The following THSD4 variants were observed in gnomAD, a reference collection of about 807,000 sequenced individuals.
The protein encoded by THSD4 is thrombospondin type 1 domain containing 4, also known as thrombospondin type-1 domain-containing protein 4.
Under a neutral mutation model 119.0 loss-of-function variants are expected in THSD4, and 69 were observed. The ratio of observed to expected loss-of-function variants is 0.58; its 90% confidence interval spans 0.48 to 0.71. The LOEUF is 0.71. THSD4 is among the 30% of genes least tolerant of loss of function. The pLI is 0.00. For missense variants in THSD4, 1,393 were observed against 1,391.1 expected (o/e 1.00, Z -0.02); for synonymous variants, 524 against 540.4 (o/e 0.97, Z 0.42).
chr15:71,569,434 C>T (rs1378704230), intron 7 of THSD4, among the ~76,000 whole-genome samples: 2 of 152,148 alleles, frequency 1.3e-5, no homozygotes, highest in East Asian at 3.9e-4. Context: ...AAACATCTTT[C>T]AAAAGTTATT....
intron 7 of THSD4, among the ~76,000 whole-genome samples, chr15:71,624,623 C>T (rs987302288): frequency 2.7e-5 from 4 of 145,712 alleles, no homozygotes; most frequent in Admixed American, 2.7e-4. Context: ...ATCCTGTTTT[C>T]ACACCTGCCC....
chr15:71,372,216 G>A (rs1292968069), intron 6 of THSD4, among the ~76,000 whole-genome samples: 1 of 152,120 alleles, frequency 6.6e-6, no homozygotes, highest in Non-Finnish European at 1.5e-5. Context: ...TCTTTGTAAT[G>A]GGTTCGAACT....
At chr15:71,546,708 G>A (rs1430746561) in intron 7 of THSD4, among the ~76,000 whole-genome samples, 1 of 152,180 alleles carries the variant, frequency 6.6e-6, no homozygotes, top group Non-Finnish European at 1.5e-5. Flanking sequence ...ATCCGTTTGT[G>A]TCTATACAAC....
chr15:71,243,192 G>A (rs1354497618), intron 5 of THSD4, 96 bp downstream of exon 5: 1 of 1,265,512 alleles, frequency 7.9e-7, no homozygotes, highest in Non-Finnish European at 1.1e-6. Context: ...AGGATATGGT[G>A]TCTGGGCCAT....
chr15:71,771,558 T>A (rs2053823899), intron 17 of THSD4, among the ~76,000 whole-genome samples: 1 of 152,112 alleles, frequency 6.6e-6, no homozygotes, highest in South Asian at 2.1e-4. Flanking sequence ...GTGGGGAGAT[T>A]CTGGGACCTT....
rs2053936887 is a variant in THSD4, at chr15:71,777,510, C to T, written c.*136C>T. The T allele has an allele frequency of 8.2e-7, 1 of 1,212,494 alleles. No homozygotes were observed. The highest frequency in any genetic ancestry group is 1.5e-5 in the South Asian group (1 of 65,914). 75.1% of individuals were successfully genotyped at this position (1,212,494 alleles called of 1,614,324 possible). A position where few individuals can be genotyped will look rare whatever the true frequency, so the allele number is the denominator to read the frequency against. On this transcript the variant is annotated 3_prime_UTR_variant, in exon 18 of 18. Coordinates refer to ENST00000261862, the MANE Select transcript of THSD4 (RefSeq NM_024817.3). ...ACCAACTTAGTCACCACCCCTGCCT[C>T]CGGTGAATGCACCCCGTGGTACCCA...
intron 6 of THSD4, among the ~76,000 whole-genome samples, chr15:71,360,620 C>G (rs1044472395): frequency 6.6e-6 from 1 of 152,208 alleles, no homozygotes. Context: ...TCCCCGGCAT[C>G]CAATCCAATT....
chr15:71,371,064 G>A (rs544182488), intron 6 of THSD4, among the ~76,000 whole-genome samples: 24 of 152,172 alleles, frequency 1.6e-4, no homozygotes, highest in Non-Finnish European at 3.1e-4. Context: ...GATCTTTGTG[G>A]TTTAAAGTCT....
chr15:71,435,296 C>T (rs1434934064), intron 7 of THSD4, among the ~76,000 whole-genome samples: 1 of 152,044 alleles, frequency 6.6e-6, no homozygotes, highest in Non-Finnish European at 1.5e-5. Context: ...GTCTTTTTTG[C>T]AAATTCCTCA....
chr15:71,395,116 C>T (rs77717413), intron 6 of THSD4, among the ~76,000 whole-genome samples: 72 of 152,252 alleles, frequency 4.7e-4, no homozygotes, highest in Non-Finnish European at 8.2e-4. Flanking sequence ...TTGAAGAGGG[C>T]GGTGTCCTTG....
At chr15:71,375,381 C>T (rs80170098) in intron 6 of THSD4, among the ~76,000 whole-genome samples, 1,610 of 152,246 alleles carry the variant, frequency 0.011, 18 homozygotes, top group Non-Finnish European at 0.015. Flanking sequence ...CTTCCAAGAC[C>T]GAGTTGGATG....
intron 7 of THSD4, among the ~76,000 whole-genome samples, chr15:71,646,756 A>C (rs949654126): frequency 1.3e-5 from 2 of 152,188 alleles, no homozygotes; most frequent in Admixed American, 1.3e-4. Context: ...TCAAAGCATA[A>C]GGACACTGGA....
rs142632777 is a variant in THSD4 at position 71,376,222 on chromosome 15, A to G, written c.1016-35465A>G. ...GCATGTGCTGTCTCTGACTGGAGCC[A>G]ATCCTGAATGTATGTAGGACAAGAT... On this transcript the variant is annotated intron_variant, in intron 6 of 17. Coordinates refer to ENST00000261862, the MANE Select transcript of THSD4 (RefSeq NM_024817.3). Among the ~76,000 whole-genome samples the G allele has an allele frequency of 4.7e-3, 713 of 152,270 alleles. 4 individuals are homozygous for G. Among genetic ancestry groups the G allele is most frequent in the South Asian group, 0.024 (114 of 4,808 alleles).
intron 6 of THSD4, among the ~76,000 whole-genome samples, chr15:71,304,931 T>G (rs1040562966): frequency 2.0e-5 from 3 of 152,212 alleles, no homozygotes; most frequent in Non-Finnish European, 4.4e-5. Flanking sequence ...CAAATACATG[T>G]TTCCAATAAA....
At position 71,215,274 on chromosome 15, in the gene THSD4, A is replaced by G. The variant is rs2140250370; in HGVS notation, c.339A>G (p.Pro113=). The change falls in exon 4 of 18, where the codon CCA becomes CCG. Residue 113 remains proline (P), a synonymous_variant. Coordinates refer to ENST00000261862, the MANE Select transcript of THSD4 (RefSeq NM_024817.3). ...TGTCGGCGGTGCGCACGTCGGTGCCACTGCACCGGAGCCGCGACGAGACGC... is the reference window on the plus strand; with the variant it reads ...TGTCGGCGGTGCGCACGTCGGTGCCGCTGCACCGGAGCCGCGACGAGACGC... The part of the protein sequence containing the change: ...HVVSAVRTSV[P]LHRSRDETPA... 2 of 1,517,658 alleles carry G rather than the reference A, an allele frequency of 1.3e-6. No individual in the cohort carries two copies. Among genetic ancestry groups the G allele is most frequent in the Non-Finnish European group, 1.8e-6 (2 of 1,138,716 alleles). 94.0% of individuals were successfully genotyped at this position (1,517,658 alleles called of 1,614,324 possible).
intron 8 of THSD4, among the ~76,000 whole-genome samples, chr15:71,671,413 A>T (rs1286574213): frequency 6.6e-6 from 1 of 151,842 alleles, no homozygotes; most frequent in Non-Finnish European, 1.5e-5. Flanking sequence ...GATTGGAAAA[A>T]TTTTTTCCCA....
chr15:71,109,246 T>G (rs189308060), intron 1 of THSD4, among the ~76,000 whole-genome samples: 19 of 152,318 alleles, frequency 1.2e-4, no homozygotes, highest in African/African-American at 4.6e-4. Context: ...AATGTCTTCA[T>G]GACTCAAGAC....
chr15:71,565,413 C>T (rs1170521007), intron 7 of THSD4, among the ~76,000 whole-genome samples: 1 of 152,336 alleles, frequency 6.6e-6, no homozygotes, highest in East Asian at 1.9e-4. Flanking sequence ...ACCATCATCT[C>T]TCCTATTCCA....
At chr15:71,129,561 A>C (rs1001710925) in intron 1 of THSD4, among the ~76,000 whole-genome samples, 8 of 152,164 alleles carry the variant, frequency 5.3e-5, no homozygotes, top group African/African-American at 1.9e-4. Context: ...ACCTCCAAGG[A>C]TGTGCCTCTC....
Sources: allele counts gnomAD v4.1 joint callset (sites outside exome capture counted in the v4.1 genomes callset), GRCh38; gene constraint gnomAD v4.1.1; transcripts MANE v1.5; gene names NCBI Gene and HGNC (gene_info 2026-07-23, HGNC 2026-07-21).